ZFHX3: variants seen among roughly 807,000 people sequenced by gnomAD.
ZFHX3 encodes zinc finger homeobox 3, also known as zinc finger homeobox protein 3.
Under a neutral mutation model 279.1 loss-of-function variants are expected in ZFHX3, and 42 were observed. The observed-to-expected ratio is 0.15, with a 90% confidence interval of 0.12 to 0.19. The LOEUF (loss-of-function observed/expected upper bound fraction) is 0.19, where lower values mean the gene tolerates loss of function less well. ZFHX3 is among the 10% of genes least tolerant of loss of function. The pLI is 1.00. For synonymous variants in ZFHX3, 2,293 were observed against 1,957.8 expected (o/e 1.17, Z -4.52); for missense variants, 4,981 against 4,754.0 (o/e 1.05, Z -1.40).
In ZFHX3 at chr16:72,889,881, T is replaced by C. The variant is rs991804227; in HGVS notation, c.3298A>G (p.Lys1100Glu). The change falls in exon 4 of 10, where the codon AAG becomes GAG. Residue 1100 changes from lysine to glutamate, a missense_variant. This residue lies in a region of ZFHX3 where 1,751 missense variants were observed against 1,770.0 expected (regional missense o/e 0.99). Transcript: ENST00000268489. The stretch of plus-strand genomic sequence containing the variant: ...CGCACATGCTGGATGAGGTTGAGCT[T>C]GGCCTTGGTGGAGTAGTTGCACAGA... ...CVLCNYSTKA[K>E]LNLIQHVRSM... 7 of 1,614,210 alleles carry C rather than the reference T, an allele frequency of 4.3e-6. 1 individual carries two copies. Among genetic ancestry groups the C allele is most frequent in the Non-Finnish European group, 5.9e-6 (7 of 1,180,050 alleles).
chr16:73,210,710 T>C (rs2011981174), intron 5 of ZFHX3, among the ~76,000 whole-genome samples: 1 of 152,186 alleles, frequency 6.6e-6, no homozygotes, highest in African/African-American at 2.4e-5. Context: ...AGAGGTGAGC[T>C]TATAGTGTCA....
At chr16:73,315,281 G>A (rs544740033) in intron 4 of ZFHX3, among the ~76,000 whole-genome samples, 80 of 151,888 alleles carry the variant, frequency 5.3e-4, no homozygotes, top group Non-Finnish European at 9.0e-4. Flanking sequence ...ATGATACAAT[G>A]CCTCCTCAGC....
At position 72,796,458 on chromosome 16, in the gene ZFHX3, G is replaced by A; in HGVS notation, c.6224C>T (p.Thr2075Ile). The A allele has an allele frequency of 5.6e-6, 9 of 1,606,934 alleles. No individual in the cohort carries two copies. Among genetic ancestry groups the A allele is most frequent in the Non-Finnish European group, 7.6e-6 (9 of 1,178,974 alleles). Residue 2075 changes from threonine to isoleucine, a missense_variant, in exon 9 of 10, where the codon ACA becomes ATA. Thr to Ile is a moderately conservative substitution (Grantham distance 89). Coordinates refer to ENST00000268489, the MANE Select transcript of ZFHX3 (RefSeq NM_006885.4). ...CACTGATGGCTGGGCCGGTGCAATT[G>A]TAGGTGAGGTGATGGGTGGGGCTGA... ...PASAPPITSP[T>I]IAPAQPSVPL... is the part of the protein sequence containing the mutation.
At chr16:73,362,205 G>A (rs1238362505) in intron 3 of ZFHX3, among the ~76,000 whole-genome samples, 1 of 152,150 alleles carries the variant, frequency 6.6e-6, no homozygotes, top group South Asian at 2.1e-4. Context: ...TTGTATCTGG[G>A]GAGAGGAATT....
At chr16:73,195,303 G>A (rs759010053) in intron 5 of ZFHX3, among the ~76,000 whole-genome samples, 9 of 151,158 alleles carry the variant, frequency 6.0e-5, no homozygotes, top group South Asian at 4.2e-4. Flanking sequence ...GATTTTTTCC[G>A]AAAAAATCAA....
At chr16:72,913,522 CA>C (rs2039370901) in intron 3 of ZFHX3, among the ~76,000 whole-genome samples, 1 of 152,170 alleles carries the variant, frequency 6.6e-6, no homozygotes. Flanking sequence ...CGTATCACAT[CA>C]GGGGCTATGT....
chr16:73,063,915 G>C (rs114363086), upstream of ZFHX3, among the ~76,000 whole-genome samples: 1,403 of 152,238 alleles, frequency 9.2e-3, 20 homozygotes, highest in African/African-American at 0.031. Context: ...AGGGTCTGAA[G>C]TCCCCTTTTG....
chr16:73,556,037 T>C (rs2020277193), intron 2 of ZFHX3, among the ~76,000 whole-genome samples: 1 of 152,190 alleles, frequency 6.6e-6, no homozygotes, highest in South Asian at 2.1e-4. Flanking sequence ...AGTCAGTTTG[T>C]GTTTCTAAGC....
intron 1 of ZFHX3, among the ~76,000 whole-genome samples, chr16:73,744,341 G>A (rs114083976): frequency 0.01 from 1,590 of 152,256 alleles, 26 homozygotes; most frequent in African/African-American, 0.036. Flanking sequence ...CCATTTAATC[G>A]GAACAACTCA....
rs758745380 is a variant in ZFHX3 at position 72,950,838 on chromosome 16, G to A, written c.2847C>T (p.Val949=). 2 of 1,614,180 alleles carry A rather than the reference G, an allele frequency of 1.2e-6. No homozygotes were observed. The highest frequency in any genetic ancestry group is 8.5e-7 in the Non-Finnish European group (1 of 1,180,050). Residue 949 remains valine (V), a synonymous_variant, in exon 3 of 10, where the codon GTC becomes GTT. Transcript: ENST00000268489. ...DPSLKLFQCA[V]CNKFTTDNLD... is the part of the protein sequence containing the mutation. Reference sequence around the variant, plus strand: ...GGTTGTCCGTCGTGAACTTGTTGCAGACGGCGCACTGGAAGAGCTTCAGCG... The same window carrying A: ...GGTTGTCCGTCGTGAACTTGTTGCAAACGGCGCACTGGAAGAGCTTCAGCG...
intron 3 of ZFHX3, among the ~76,000 whole-genome samples, chr16:73,446,371 C>T (rs2143548836): frequency 6.6e-6 from 1 of 152,278 alleles, no homozygotes; most frequent in Non-Finnish European, 1.5e-5. Flanking sequence ...AAGAAACGTC[C>T]TTCTTCACAT....
chr16:72,920,350 C>G (rs2039552106), intron 3 of ZFHX3, among the ~76,000 whole-genome samples: 1 of 151,966 alleles, frequency 6.6e-6, no homozygotes, highest in Admixed American at 6.5e-5. Context: ...TACATGAGCC[C>G]CTGGATTCCA....
At chr16:73,429,455 C>T (rs773867645) in intron 3 of ZFHX3, among the ~76,000 whole-genome samples, 4 of 152,106 alleles carry the variant, frequency 2.6e-5, no homozygotes, top group African/African-American at 4.8e-5. Context: ...GCCTTAGCCT[C>T]CTGAGTAGCT....
intron 2 of ZFHX3, among the ~76,000 whole-genome samples, chr16:73,572,219 C>T (rs1001767139): frequency 6.9e-6 from 1 of 144,682 alleles, no homozygotes; most frequent in Non-Finnish European, 1.5e-5. Flanking sequence ...GAGAATCAAA[C>T]TGATAACATT....
intron 4 of ZFHX3, among the ~76,000 whole-genome samples, chr16:72,871,572 C>T (rs988292253): frequency 1.3e-5 from 2 of 151,828 alleles, no homozygotes; most frequent in African/African-American, 4.8e-5. Flanking sequence ...GATCTCCTGA[C>T]CTTATGATCC....
At chr16:73,881,323 A>G (rs1035254505) in intron 1 of ZFHX3, among the ~76,000 whole-genome samples, 1 of 152,080 alleles carries the variant, frequency 6.6e-6, no homozygotes, top group Non-Finnish European at 1.5e-5. Flanking sequence ...GAATTCTCTT[A>G]TGTTTCTGCA....
chr16:73,339,014 C>T (rs746742127), intron 3 of ZFHX3, among the ~76,000 whole-genome samples: 2 of 152,204 alleles, frequency 1.3e-5, no homozygotes, highest in South Asian at 2.1e-4. Context: ...CCAGAAGCCT[C>T]CTCAGAAGCA....
intron 3 of ZFHX3, among the ~76,000 whole-genome samples, chr16:73,374,730 G>C (rs2016692209): frequency 6.6e-6 from 1 of 152,072 alleles, no homozygotes; most frequent in Non-Finnish European, 1.5e-5. Context: ...TTTGTCCTGG[G>C]TTTTTAAAAA....
At chr16:73,121,717 G>A (rs1461849749) in intron 7 of ZFHX3, among the ~76,000 whole-genome samples, 5 of 150,690 alleles carry the variant, frequency 3.3e-5, no homozygotes, top group African/African-American at 1.2e-4. Flanking sequence ...CTGGGTTCTC[G>A]CCATTCTCCT....
Sources: gnomAD v4.1 joint callset for allele counts (sites outside exome capture counted in the v4.1 genomes callset) on GRCh38, gnomAD v4.1.1 for gene constraint, gnomAD v4.1.1 regional missense constraint, MANE v1.5 for transcripts, NCBI Gene and HGNC (gene_info 2026-07-23, HGNC 2026-07-21) for gene names.